The following SCNN1G variants were observed in gnomAD, a reference collection of about 807,000 sequenced individuals.
SCNN1G encodes the protein sodium channel epithelial 1 subunit gamma, also known as epithelial sodium channel subunit gamma.
Under a neutral mutation model 64.6 loss-of-function variants are expected in SCNN1G, and 27 were observed. The ratio of observed to expected loss-of-function variants is 0.42; its 90% CI spans 0.31 to 0.58. The LOEUF (loss-of-function observed/expected upper bound fraction) is 0.58, where lower values mean the gene tolerates loss of function less well. SCNN1G is among the 20% of genes least tolerant of loss of function. SCNN1G has a pLI of 0.18. For missense variants in SCNN1G, 743 were observed against 823.4 expected (o/e 0.90, Z 1.19); for synonymous variants, 330 against 314.2 (o/e 1.05, Z -0.53).
intron 12 of SCNN1G, 23 bp from the exon 13 acceptor site, chr16:23,215,066 G>C (rs1455104370): frequency 1.2e-6 from 2 of 1,613,700 alleles, no homozygotes; most frequent in African/African-American, 2.7e-5. Flanking sequence ...CCTCTTGATG[G>C]TGTGGCTTGG....
intron 11 of SCNN1G, among the ~76,000 whole-genome samples, chr16:23,214,485 A>G (rs574476894): frequency 1.3e-5 from 2 of 152,260 alleles, no homozygotes; most frequent in African/African-American, 4.8e-5. Context: ...CTTAATCTGG[A>G]AGTTGGGGAG....
At chr16:23,210,467 G>T (rs1012072399) in intron 7 of SCNN1G, among the ~76,000 whole-genome samples, 3 of 152,270 alleles carry the variant, frequency 2.0e-5, no homozygotes, top group Middle Eastern at 3.4e-3. Context: ...AATGAAGCAG[G>T]TGTTCTCTGG....
chr16:23,212,811 A>G, intron 9 of SCNN1G, 26 bp from the exon 10 acceptor site: 1 of 1,613,882 alleles, frequency 6.2e-7, no homozygotes, highest in Non-Finnish European at 8.5e-7. Context: ...GGCTGCCTAC[A>G]CTCATGCTGT....
rs182807619 is a variant in SCNN1G, at chr16:23,213,977, G to A, written c.1494-735G>A. On this transcript the variant is annotated intron_variant, in intron 11 of 12. Coordinates refer to ENST00000300061, the MANE Select transcript of SCNN1G (RefSeq NM_001039.4). ...AAAATTCAAAAGTTCTGGCAAGAAC[G>A]ACCCTCCACTGTTTTGTAGCACCAA... Among the ~76,000 whole-genome samples the A allele has an allele frequency of 2.1e-3, 323 of 152,268 alleles. 6 individuals are homozygous for A. The highest frequency in any genetic ancestry group is 2.6e-3 in the Non-Finnish European group (180 of 68,010).
rs4427805 is a variant in SCNN1G, at chr16:23,209,521, C to T, written c.1078-229C>T. Among the ~76,000 whole-genome samples, 114,553 of 151,838 alleles carry T rather than the reference C, an allele frequency of 0.75. 43,793 individuals are homozygous for T. Among genetic ancestry groups the T allele is most frequent in the East Asian group, 0.88 (4,541 of 5,166 alleles). On this transcript the variant is annotated intron_variant, in intron 6 of 12. Coordinates refer to ENST00000300061, the MANE Select transcript of SCNN1G (RefSeq NM_001039.4). ...CATTTGTTTACCCCACTGGAAGGTACGTTCCAGGAGAGCAGGGAACTTATC... is the reference window on the plus strand; with the variant it reads ...CATTTGTTTACCCCACTGGAAGGTATGTTCCAGGAGAGCAGGGAACTTATC...
intron 8 of SCNN1G, 140 bp from the exon 9 acceptor site, chr16:23,212,538 A>G: frequency 1.3e-6 from 1 of 754,566 alleles, no homozygotes; most frequent in Non-Finnish European, 2.4e-6. Flanking sequence ...ACAATGCAAT[A>G]TGTGTTTCCA....
At chr16:23,187,482 A>C (rs966112038) in intron 2 of SCNN1G, among the ~76,000 whole-genome samples, 4 of 152,046 alleles carry the variant, frequency 2.6e-5, no homozygotes, top group Admixed American at 6.6e-5. Context: ...TTTCACTTAG[A>C]AGAGGCCTGG....
intron 6 of SCNN1G, among the ~76,000 whole-genome samples, chr16:23,203,734 C>A (rs990724591): frequency 7.9e-6 from 1 of 126,382 alleles, no homozygotes; most frequent in African/African-American, 2.9e-5. Context: ...CATGCCACTG[C>A]ACTCCAGCCT....
chr16:23,199,436 A>G (rs951872091), intron 6 of SCNN1G, among the ~76,000 whole-genome samples: 2 of 152,198 alleles, frequency 1.3e-5, no homozygotes, highest in East Asian at 1.9e-4. Context: ...TTGCCCAGTT[A>G]CTTCCTAGAA....
At chr16:23,188,532 A>G (rs2141928760) in intron 2 of SCNN1G, among the ~76,000 whole-genome samples, 1 of 152,246 alleles carries the variant, frequency 6.6e-6, no homozygotes, top group East Asian at 1.9e-4. Context: ...ACAATAATAG[A>G]GGGCATTTAA....
chr16:23,207,474 C>T (rs564047340), intron 6 of SCNN1G, among the ~76,000 whole-genome samples: 1 of 152,226 alleles, frequency 6.6e-6, no homozygotes, highest in Non-Finnish European at 1.5e-5. Flanking sequence ...CTGTGCCCAG[C>T]CCAGCCCTGG....
At chr16:23,189,764 C>A in intron 3 of SCNN1G, 93 bp downstream of exon 3, 1 of 1,222,658 alleles carries the variant, frequency 8.2e-7, no homozygotes, top group Non-Finnish European at 1.2e-6. Flanking sequence ...CCCTGTGGTC[C>A]AACTGGAAGA....
chr16:23,195,698 T>A (rs1283786826), intron 5 of SCNN1G, among the ~76,000 whole-genome samples: 1 of 152,264 alleles, frequency 6.6e-6, no homozygotes, highest in African/African-American at 2.4e-5. Context: ...ACTTCCCCTC[T>A]CTGGGCTTTG....
chr16:23,193,465 G>A (rs1454159405), intron 4 of SCNN1G, among the ~76,000 whole-genome samples: 2 of 152,052 alleles, frequency 1.3e-5, no homozygotes, highest in Non-Finnish European at 2.9e-5. Context: ...GGGCAATGTG[G>A]CAAAACCTCC....
intron 6 of SCNN1G, among the ~76,000 whole-genome samples, chr16:23,205,173 T>C (rs1959969714): frequency 6.6e-6 from 1 of 152,180 alleles, no homozygotes; most frequent in African/African-American, 2.4e-5. Context: ...GGGAATCTGA[T>C]TTCAGACTTG....
intron 6 of SCNN1G, among the ~76,000 whole-genome samples, chr16:23,208,252 C>G (rs1208173755): frequency 6.6e-6 from 1 of 152,036 alleles, no homozygotes. Flanking sequence ...GAGGCTGAGG[C>G]AGGAAGGTCC....
chr16:23,211,070 T>C (rs2141944068), intron 7 of SCNN1G, among the ~76,000 whole-genome samples: 1 of 152,276 alleles, frequency 6.6e-6, no homozygotes, highest in Non-Finnish European at 1.5e-5. Context: ...ATCAGAAAGA[T>C]ACTTCTGGAT....
At chr16:23,213,046 G>T in intron 10 of SCNN1G, 56 bp from the exon 11 acceptor site, 1 of 1,561,328 alleles carries the variant, frequency 6.4e-7, no homozygotes, top group South Asian at 1.1e-5. Context: ...TGAGGCGGGA[G>T]GCTGGCCCTA....
chr16:23,209,707 C>G, intron 6 of SCNN1G, 43 bp from the exon 7 acceptor site: 1 of 1,462,012 alleles, frequency 6.8e-7, no homozygotes, highest in Non-Finnish European at 9.6e-7. Flanking sequence ...CCGCCTGGGT[C>G]CGGGGGGAGG....
Sources: gnomAD v4.1 joint callset for allele counts (sites outside exome capture counted in the v4.1 genomes callset) on GRCh38, gnomAD v4.1.1 for gene constraint, MANE v1.5 for transcripts, NCBI Gene and HGNC (gene_info 2026-07-23, HGNC 2026-07-21) for gene names.